Variants in COL27A1 observed in about 807,000 individuals in gnomAD.
COL27A1 encodes the protein collagen type XXVII alpha 1 chain.
COL27A1 carries 106 observed loss-of-function variants against 251.3 expected under a neutral mutation model. That is an observed-to-expected ratio of 0.42 (90% CI 0.36 to 0.50). The LOEUF is 0.50. Ranked by LOEUF, COL27A1 falls within the 20% of genes least tolerant of loss-of-function variation. COL27A1 has a pLI of 0.00. For synonymous variants in COL27A1, 1,000 were observed against 986.3 expected (o/e 1.01, Z -0.26); for missense variants, 2,325 against 2,522.8 (o/e 0.92, Z 1.68).
chr9:114,194,387 A>G lies in COL27A1; in HGVS notation c.2017-17A>G. ...CTAGATGACTTGGTGGCCAAAGTGG[A>G]ATTGTTTTTGTTTCAGGGACAGAAA... On this transcript the variant is annotated splice_polypyrimidine_tract_variant and intron_variant, in intron 5 of 60. Transcript: ENST00000356083. The G allele has an allele frequency of 6.2e-7, 1 of 1,613,236 alleles. No individual in the cohort carries two copies. Among genetic ancestry groups the G allele is most frequent in the Non-Finnish European group, 8.5e-7 (1 of 1,179,610 alleles).
chr9:114,288,645 G>A, intron 42 of COL27A1, 57 bp from the exon 43 acceptor site: 1 of 1,583,932 alleles, frequency 6.3e-7, no homozygotes, highest in South Asian at 1.1e-5. Flanking sequence ...ACAGGGCCCA[G>A]GGCTGGCATC....
chr9:114,223,638 A>C (rs1027111532), intron 14 of COL27A1, among the ~76,000 whole-genome samples: 1 of 152,184 alleles, frequency 6.6e-6, no homozygotes, highest in Non-Finnish European at 1.5e-5. Context: ...CACACAGTCC[A>C]TTCCAGTCCA....
At chr9:114,188,862 T>G (rs1272199139) in intron 5 of COL27A1, among the ~76,000 whole-genome samples, 1 of 152,248 alleles carries the variant, frequency 6.6e-6, no homozygotes. Context: ...CTTTTCCATT[T>G]GTACTTCACC....
intron 14 of COL27A1, among the ~76,000 whole-genome samples, chr9:114,226,935 C>A (rs1389606327): frequency 2.6e-5 from 4 of 152,134 alleles, no homozygotes; most frequent in Admixed American, 2.0e-4. Flanking sequence ...GCATGGGGCT[C>A]TGAGGCCTGA....
intron 49 of COL27A1, among the ~76,000 whole-genome samples, chr9:114,297,849 A>G (rs532032939): frequency 6.6e-6 from 1 of 152,354 alleles, no homozygotes; most frequent in Admixed American, 6.5e-5. Context: ...GTTGCAGGAT[A>G]TAAGATCAAT....
intron 24 of COL27A1, among the ~76,000 whole-genome samples, chr9:114,246,769 G>T (rs1052560603): frequency 6.6e-6 from 1 of 152,128 alleles, no homozygotes; most frequent in African/African-American, 2.4e-5. Flanking sequence ...ACAGGGGGAG[G>T]CCTGGATTTT....
At chr9:114,245,714 T>G in intron 23 of COL27A1, 152 bp from the exon 24 acceptor site, 2 of 738,272 alleles carry the variant, frequency 2.7e-6, no homozygotes, top group East Asian at 2.6e-5. Context: ...ACTCTGCCCA[T>G]TTGTTGGGGG....
intron 59 of COL27A1, among the ~76,000 whole-genome samples, chr9:114,308,014 A>G (rs771642647): frequency 6.6e-6 from 1 of 152,244 alleles, no homozygotes; most frequent in African/African-American, 2.4e-5. Context: ...TCTTTCTTCA[A>G]ATAGAATCTT....
intron 5 of COL27A1, among the ~76,000 whole-genome samples, chr9:114,183,639 C>G (rs1447376252): frequency 6.6e-6 from 1 of 151,950 alleles, no homozygotes; most frequent in African/African-American, 2.4e-5. Flanking sequence ...TTTTTACCTC[C>G]CTGATGTTAG....
At chr9:114,183,699 C>T (rs149393907) in intron 5 of COL27A1, among the ~76,000 whole-genome samples, 311 of 152,134 alleles carry the variant, frequency 2.0e-3, no homozygotes, top group African/African-American at 7.0e-3. Flanking sequence ...TGATGTTGCA[C>T]GCAGGAACAT....
At chr9:114,182,261 AGCTACTCAGGAG>A (rs1198311619) in intron 4 of COL27A1, among the ~76,000 whole-genome samples, 1 of 151,776 alleles carries the variant, frequency 6.6e-6, no homozygotes, top group African/African-American at 2.4e-5. Flanking sequence ...TTGGAGTCCC[AGCTACTCAGGAG>A]GCTAAGGTGG....
chr9:114,310,739 A>G lies in COL27A1; in HGVS notation c.*44A>G, dbSNP rs773234446. Reference sequence around the variant, plus strand: ...CTCTAGGCCTCACGGAGGAGGGAAGAGGAAGAGGCAAGGGGAGGGTACTGA... The same window carrying G: ...CTCTAGGCCTCACGGAGGAGGGAAGGGGAAGAGGCAAGGGGAGGGTACTGA... On this transcript the variant is annotated 3_prime_UTR_variant, in exon 61 of 61. Coordinates refer to ENST00000356083, the MANE Select transcript of COL27A1 (RefSeq NM_032888.4). 1.2e-6 allele frequency: 2 copies of G among 1,608,704 alleles called. No individual in the cohort carries two copies. The highest frequency in any genetic ancestry group is 1.7e-6 in the Non-Finnish European group (2 of 1,176,268).
intron 3 of COL27A1, among the ~76,000 whole-genome samples, chr9:114,173,900 G>A: frequency 6.6e-6 from 1 of 152,024 alleles, no homozygotes; most frequent in Non-Finnish European, 1.5e-5. Flanking sequence ...CGGTGGAGCA[G>A]GGACAGCAGG....
intron 36 of COL27A1, among the ~76,000 whole-genome samples, 153 bp from the exon 37 acceptor site, chr9:114,275,508 C>T (rs148760553): frequency 0.02 from 2,991 of 152,272 alleles, 223 homozygotes; most frequent in Admixed American, 0.14. Context: ...AGTCACAGCA[C>T]CCTGCCTTTT....
At chr9:114,235,079 C>CA (rs34337576) in intron 16 of COL27A1, among the ~76,000 whole-genome samples, 6,294 of 88,182 alleles carry the variant, frequency 0.071, 797 homozygotes, top group African/African-American at 0.25. Context: ...GACTCCATCT[C>CA]AAAAAAAAAA....
chr9:114,280,260 G>A (rs1835821530), intron 37 of COL27A1, among the ~76,000 whole-genome samples: 1 of 151,202 alleles, frequency 6.6e-6, no homozygotes, highest in African/African-American at 2.4e-5. Context: ...CGCCCAGGCT[G>A]GAGTGCGGTG....
chr9:114,289,108 C>T (rs972888335), intron 44 of COL27A1, 134 bp from the exon 45 acceptor site: 20 of 1,388,848 alleles, frequency 1.4e-5, no homozygotes, highest in Admixed American at 2.1e-5. Context: ...TTTCTCCTGC[C>T]CTGACCCTGG....
intron 11 of COL27A1, 136 bp downstream of exon 11, chr9:114,209,864 T>G (rs2135329599): frequency 1.3e-6 from 1 of 787,102 alleles, no homozygotes; most frequent in East Asian, 2.5e-5. Context: ...AGGAGTCTGA[T>G]AAGGGGACAA....
chr9:114,252,968 A>G (rs1833644269), intron 27 of COL27A1, 36 bp downstream of exon 27: 3 of 1,566,954 alleles, frequency 1.9e-6, no homozygotes, highest in African/African-American at 1.3e-5. Flanking sequence ...AGCTCAAACC[A>G]CTGTCAGATA....
Sources: allele counts gnomAD v4.1 joint callset (sites outside exome capture counted in the v4.1 genomes callset), GRCh38; gene constraint gnomAD v4.1.1; transcripts MANE v1.5; gene names NCBI Gene and HGNC (gene_info 2026-07-23, HGNC 2026-07-21).